APP: variants seen among roughly 807,000 people sequenced by gnomAD.
The protein encoded by APP is amyloid beta precursor protein, also known as amyloid-beta precursor protein.
Under a neutral mutation model 101.4 loss-of-function variants are expected in APP, and 31 were observed. The ratio of observed to expected loss-of-function variants is 0.31; its 90% CI spans 0.23 to 0.41. The LOEUF is 0.41. APP is among the 10% of genes least tolerant of loss of function. The pLI, the probability that APP is intolerant of heterozygous loss-of-function variation, is 1.00. For missense variants in APP, 839 were observed against 1,003.7 expected (o/e 0.84, Z 2.22); for synonymous variants, 366 against 364.4 (o/e 1.00, Z -0.05).
chr21:25,925,110 T>C (rs891378377), intron 13 of APP, among the ~76,000 whole-genome samples: 3 of 152,176 alleles, frequency 2.0e-5, no homozygotes, highest in African/African-American at 4.8e-5. Context: ...CACAGCTGCA[T>C]TGGAAGTAGC....
At chr21:25,935,840 A>AC (rs2040338688) in intron 13 of APP, among the ~76,000 whole-genome samples, 1 of 7,762 alleles carries the variant, frequency 1.3e-4, no homozygotes, top group East Asian at 3.8e-3. Context: ...ACTCTGTCTC[A>AC]AAAAAAAAAA....
Position 26,170,648 on chromosome 21 carries a change from G to T in APP, c.-28C>A. On this transcript the variant is annotated 5_prime_UTR_variant, in exon 1 of 18. Transcript: ENST00000346798. ...CGACCCTGCGCGGGGCACCGAGTGC[G>T]CTGCTGTGCGAGTGGGATCCGCCGC... 1 of 1,528,362 alleles carries T rather than the reference G, an allele frequency of 6.5e-7. No homozygotes were observed. Among genetic ancestry groups the T allele is most frequent in the Non-Finnish European group, 8.7e-7 (1 of 1,142,908 alleles). 94.7% of individuals were successfully genotyped at this position (1,528,362 alleles called of 1,614,324 possible). A position where few individuals can be genotyped will look rare whatever the true frequency, so the allele number is the denominator to read the frequency against.
At position 25,897,575 on chromosome 21, in the gene APP, A is replaced by G. The variant is rs2038156127; in HGVS notation, c.2062T>C (p.Leu688=). ...AAGAGGTAAATTATTTTACGTACCA[A>G]TTTTTGATGATGAACTTCATATCCT... The part of the protein sequence containing the change: ...DSGYEVHHQK[L]VFFAEDVGSN... Residue 688 remains leucine, a splice_region_variant and synonymous_variant, in exon 16 of 18, where the codon TTG becomes CTG. Transcript: ENST00000346798. 2 of 1,610,926 alleles carry G rather than the reference A, an allele frequency of 1.2e-6. No homozygotes were observed. The highest frequency in any genetic ancestry group is 1.7e-6 in the Non-Finnish European group (2 of 1,177,092).
intron 1 of APP, among the ~76,000 whole-genome samples, chr21:26,146,059 C>G (rs990098497): frequency 6.6e-6 from 1 of 152,200 alleles, no homozygotes; most frequent in East Asian, 1.9e-4. Flanking sequence ...AATGACTGAT[C>G]TAAAAAATTT....
At chr21:25,972,533 GCACT>G (rs2042070942) in intron 11 of APP, among the ~76,000 whole-genome samples, 1 of 151,940 alleles carries the variant, frequency 6.6e-6, no homozygotes, top group Admixed American at 6.6e-5. Flanking sequence ...CAACTTATGT[GCACT>G]CAAACTTTTT....
At chr21:26,015,134 T>C (rs1351931309) in intron 6 of APP, among the ~76,000 whole-genome samples, 3 of 152,240 alleles carry the variant, frequency 2.0e-5, no homozygotes, top group East Asian at 3.8e-4. Flanking sequence ...ATTATACCAA[T>C]AGATATGGAT....
In APP at chr21:26,133,268, C is replaced by T. The variant is rs114348070; in HGVS notation, c.58-21122G>A. Among the ~76,000 whole-genome samples the T allele has an allele frequency of 9.8e-3, 1,497 of 152,288 alleles. 23 individuals carry two copies. The highest frequency in any genetic ancestry group is 0.033 in the African/African-American group (1,374 of 41,546). On this transcript the variant is annotated intron_variant, in intron 1 of 17. Transcript: ENST00000346798. ...AAACAAAACAAAACATCTGACAGTT[C>T]CTGAGTAATCGGCAGCCTACGTAAG...
At chr21:26,124,057 G>T (rs1212441204) in intron 1 of APP, among the ~76,000 whole-genome samples, 1 of 151,368 alleles carries the variant, frequency 6.6e-6, no homozygotes, top group Admixed American at 6.6e-5. Context: ...CTACTCTTTA[G>T]CACTGGCCTG....
At chr21:25,978,697 T>C (rs2042312568) in intron 9 of APP, among the ~76,000 whole-genome samples, 1 of 152,230 alleles carries the variant, frequency 6.6e-6, no homozygotes, top group Non-Finnish European at 1.5e-5. Context: ...CTCATGCCTA[T>C]AATCCCAGCA....
intron 1 of APP, among the ~76,000 whole-genome samples, chr21:26,152,272 A>G (rs1291572872): frequency 1.6e-5 from 2 of 123,362 alleles, no homozygotes; most frequent in African/African-American, 6.8e-5. Context: ...GCGACAGAGC[A>G]AGACTCCATC....
At chr21:26,088,493 A>C (rs1288604080) in intron 3 of APP, among the ~76,000 whole-genome samples, 34 of 152,222 alleles carry the variant, frequency 2.2e-4, no homozygotes. Context: ...CAGGTAAGTA[A>C]GAACCAAAAG....
chr21:26,157,658 C>G lies in APP; in HGVS notation c.57+12906G>C, dbSNP rs1269292881. Among the ~76,000 whole-genome samples the G allele has an allele frequency of 3.9e-5, 6 of 152,092 alleles. No homozygotes were observed. The East Asian group carries it at 5.8e-4, about 15-fold the overall frequency. The stretch of plus-strand genomic sequence containing the variant: ...TGATTTCAAAGCATACTTTCTGTGA[C>G]GTATCTTCATTTAATCACTTTTAGA... On this transcript the variant is annotated intron_variant, in intron 1 of 17. Transcript: ENST00000346798.
At chr21:26,129,652 A>T (rs563967468) in intron 1 of APP, among the ~76,000 whole-genome samples, 1 of 152,216 alleles carries the variant, frequency 6.6e-6, no homozygotes, top group Admixed American at 6.5e-5. Context: ...GTGAAATTCA[A>T]TAAAGTGACA....
intron 8 of APP, among the ~76,000 whole-genome samples, chr21:25,986,963 G>C (rs762479): frequency 0.32 from 48,004 of 152,036 alleles, 8,729 homozygotes; most frequent in African/African-American, 0.5. Flanking sequence ...AATAAAGTCT[G>C]TTAAGATTGG....
At chr21:26,078,005 A>G (rs904210588) in intron 3 of APP, among the ~76,000 whole-genome samples, 5 of 152,220 alleles carry the variant, frequency 3.3e-5, no homozygotes, top group African/African-American at 1.2e-4. Flanking sequence ...TGACACTGAA[A>G]TTAAAATACG....
At chr21:26,153,678 C>T (rs1034131469) in intron 1 of APP, among the ~76,000 whole-genome samples, 1 of 152,162 alleles carries the variant, frequency 6.6e-6, no homozygotes, top group Non-Finnish European at 1.5e-5. Context: ...AGACACAGCA[C>T]TGGCAAACTT....
chr21:25,989,576 T>C (rs1005834518), intron 8 of APP, among the ~76,000 whole-genome samples: 3 of 152,222 alleles, frequency 2.0e-5, no homozygotes, highest in African/African-American at 7.2e-5. Flanking sequence ...AACCAAGGCT[T>C]ATGAATGGCA....
intron 5 of APP, among the ~76,000 whole-genome samples, chr21:26,029,045 A>G (rs573614874): frequency 3.9e-5 from 6 of 152,160 alleles, no homozygotes; most frequent in Non-Finnish European, 7.4e-5. Flanking sequence ...GGGTAAGAGC[A>G]AGTGCAAAGG....
At position 26,090,092 on chromosome 21, in the gene APP, G is replaced by C. The variant is rs377709924; in HGVS notation, c.226-20C>G. On this transcript the variant is annotated intron_variant, in intron 2 of 17. Transcript: ENST00000346798. Reference sequence around the variant, plus strand: ...GTAGACCTGGGAGAGCACACAAAAAGAATCAATTGTTACTTGAGGCAGGGG... The same window carrying C: ...GTAGACCTGGGAGAGCACACAAAAACAATCAATTGTTACTTGAGGCAGGGG... 4 of 1,613,760 alleles carry C rather than the reference G, an allele frequency of 2.5e-6. No individual in the cohort carries two copies. The highest frequency in any genetic ancestry group is 3.4e-6 in the Non-Finnish European group (4 of 1,179,810).
Sources: allele counts gnomAD v4.1 joint callset (sites outside exome capture counted in the v4.1 genomes callset), GRCh38; gene constraint gnomAD v4.1.1; transcripts MANE v1.5; gene names NCBI Gene and HGNC (gene_info 2026-07-23, HGNC 2026-07-21).